Variants in SPMIP4 observed in about 807,000 individuals in gnomAD.
SPMIP4 encodes the protein sperm-associated microtubule inner protein 4.
At chr7:25,161,285 T>C in the SPMIP4 span, 1 of 1,307,740 alleles carries the variant, frequency 7.6e-7, no homozygotes, top group South Asian at 1.4e-5. Flanking sequence ...AAGATTAAAT[T>C]AAACATGTTT....
the SPMIP4 span, among the ~76,000 whole-genome samples, chr7:25,144,383 G>A: frequency 1.3e-5 from 2 of 152,194 alleles, no homozygotes; most frequent in African/African-American, 4.8e-5. Context: ...AGAGCCAGCC[G>A]CTGGCCCCTG....
At chr7:25,131,970 G>GC in the SPMIP4 span, among the ~76,000 whole-genome samples, 1 of 152,246 alleles carries the variant, frequency 6.6e-6, no homozygotes, top group African/African-American at 2.4e-5. This position sits in a 1 kb window ranked among gnomAD's most constrained non-coding sequence, Gnocchi z 4.2. Flanking sequence ...CAGCAGTGGT[G>GC]GACGGCAAGT....
At chr7:25,161,526 T>C in the SPMIP4 span, among the ~76,000 whole-genome samples, 1 of 150,638 alleles carries the variant, frequency 6.6e-6, no homozygotes, top group African/African-American at 2.4e-5. Context: ...CATGAGCTAC[T>C]GTGCCTGGCC....
At chr7:25,140,827 T>C in the SPMIP4 span, among the ~76,000 whole-genome samples, 225 of 152,246 alleles carry the variant, frequency 1.5e-3, no homozygotes, top group Non-Finnish European at 2.5e-3. Flanking sequence ...CCTCAGGCGA[T>C]CCACCCGCCT....
the SPMIP4 span, among the ~76,000 whole-genome samples, chr7:25,145,627 C>T: frequency 6.6e-6 from 1 of 152,144 alleles, no homozygotes; most frequent in Non-Finnish European, 1.5e-5. Context: ...ATTCCAGTTC[C>T]TGAGATGTTA....
the SPMIP4 span, among the ~76,000 whole-genome samples, chr7:25,145,313 T>C: frequency 5.3e-3 from 809 of 152,284 alleles, 18 homozygotes; most frequent in Admixed American, 0.049. Context: ...ATTAATCTTG[T>C]ATCTTACACT....
the SPMIP4 span, chr7:25,142,754 C>T: frequency 0.033 from 52,903 of 1,596,298 alleles, 1,127 homozygotes; most frequent in Non-Finnish European, 0.035. Context: ...GTGTTAGGAG[C>T]GAAGGTTTTA....
the SPMIP4 span, chr7:25,135,723 T>C: frequency 5.6e-6 from 6 of 1,064,710 alleles, no homozygotes; most frequent in African/African-American, 8.2e-5. Context: ...AGATGAGAGA[T>C]TAAAGACTAT....
chr7:25,160,850 A>G, the SPMIP4 span, among the ~76,000 whole-genome samples: 1 of 152,198 alleles, frequency 6.6e-6, no homozygotes, highest in African/African-American at 2.4e-5. Context: ...GGCATTTTCT[A>G]TTGATATTTT....
the SPMIP4 span, among the ~76,000 whole-genome samples, chr7:25,162,890 GCCT>G: frequency 1.3e-5 from 2 of 152,136 alleles, no homozygotes; most frequent in Non-Finnish European, 2.9e-5. Flanking sequence ...TCCCGCCTCA[GCCT>G]CCTGAGTAGC....
the SPMIP4 span, among the ~76,000 whole-genome samples, chr7:25,160,260 T>TTATATAATAAATAATGGAACTTAATTA: frequency 6.6e-6 from 1 of 151,242 alleles, no homozygotes; most frequent in Non-Finnish European, 1.5e-5. Context: ...AAAGAAGTGA[T>TTATATAATAAATAATGGAACTTAATTA]AGTTCCATTA....
At chr7:25,139,850 T>C in the SPMIP4 span, among the ~76,000 whole-genome samples, 1 of 152,232 alleles carries the variant, frequency 6.6e-6, no homozygotes, top group Non-Finnish European at 1.5e-5. Context: ...TTTATTACCA[T>C]TAAAACATGT....
chr7:25,169,545 T>C, the SPMIP4 span, among the ~76,000 whole-genome samples: 6 of 152,196 alleles, frequency 3.9e-5, no homozygotes, highest in African/African-American at 1.4e-4. Flanking sequence ...TTTTGTAGTA[T>C]GTGTCCATAC....
the SPMIP4 span, chr7:25,151,762 A>C: frequency 1.3e-6 from 1 of 745,970 alleles, no homozygotes; most frequent in East Asian, 2.7e-5. Flanking sequence ...AAATGAGATA[A>C]TACAAGGTAG....
chr7:25,126,923 T>A, the SPMIP4 span, among the ~76,000 whole-genome samples: 1 of 152,188 alleles, frequency 6.6e-6, no homozygotes, highest in East Asian at 1.9e-4. Flanking sequence ...TCTTTATTTC[T>A]CCCTCACATC....
At chr7:25,136,271 T>G in the SPMIP4 span, 2 of 1,614,178 alleles carry the variant, frequency 1.2e-6, no homozygotes, top group East Asian at 4.5e-5. This position sits in a 1 kb window ranked among gnomAD's most constrained non-coding sequence, Gnocchi z 5.7. Flanking sequence ...TCTTGTTTAT[T>G]TTGTAAAACA....
At chr7:25,148,515 C>T in the SPMIP4 span, among the ~76,000 whole-genome samples, 10 of 145,332 alleles carry the variant, frequency 6.9e-5, no homozygotes, top group Non-Finnish European at 1.5e-4. Context: ...CTGACTCTCA[C>T]CCAGGCTGGA....
chr7:25,146,269 G>A, the SPMIP4 span, among the ~76,000 whole-genome samples: 7 of 152,162 alleles, frequency 4.6e-5, no homozygotes, highest in African/African-American at 1.7e-4. Flanking sequence ...CGCCTGGTTG[G>A]ATAACAGCGC....
At chr7:25,142,557 T>C in the SPMIP4 span, 1 of 1,216,200 alleles carries the variant, frequency 8.2e-7, no homozygotes. Flanking sequence ...GGCAAAAACA[T>C]GAGAAGTTGA....
Sources: allele counts gnomAD v4.1 joint callset (sites outside exome capture counted in the v4.1 genomes callset), GRCh38; gene constraint gnomAD v4.1.1; non-coding constraint Gnocchi (gnomAD v3.1); transcripts MANE v1.5; gene names NCBI Gene and HGNC (gene_info 2026-07-23, HGNC 2026-07-21).